GMDS: variants seen among roughly 807,000 people sequenced by gnomAD.
GMDS encodes GDP-mannose 4,6-dehydratase, also known as GDP-mannose 4,6 dehydratase.
In GMDS, 20 loss-of-function variants were observed where a neutral mutation model predicts 49.9. The observed-to-expected ratio is 0.40, with a 90% CI of 0.28 to 0.58. The LOEUF (loss-of-function observed/expected upper bound fraction) is 0.58, where lower values mean the gene tolerates loss of function less well. Among genes scored for constraint, GMDS ranks in the 20% least tolerant of loss-of-function variants. The probability of loss-of-function intolerance (pLI) is 0.42; values close to 1 mark genes in which losing one functional copy is unlikely to be tolerated. For synonymous variants in GMDS, 177 were observed against 178.6 expected (o/e 0.99, Z 0.07); for missense variants, 362 against 481.4 (o/e 0.75, Z 2.32).
At chr6:1,768,074 T>C (rs1468853544) in intron 7 of GMDS, among the ~76,000 whole-genome samples, 1 of 152,198 alleles carries the variant, frequency 6.6e-6, no homozygotes, top group Non-Finnish European at 1.5e-5. Context: ...CTGTATATGT[T>C]ACTATATGAA....
intron 4 of GMDS, among the ~76,000 whole-genome samples, chr6:1,970,532 C>T (rs1044647753): frequency 1.3e-5 from 2 of 152,178 alleles, no homozygotes; most frequent in East Asian, 1.9e-4. Context: ...AGGAGCAGGC[C>T]GCAGGCTGTG....
intron 7 of GMDS, among the ~76,000 whole-genome samples, chr6:1,850,885 A>T (rs756130265): frequency 6.6e-6 from 1 of 152,156 alleles, no homozygotes; most frequent in African/African-American, 2.4e-5. Flanking sequence ...CTGGCAGCCC[A>T]CTGACTTGTG....
intron 4 of GMDS, among the ~76,000 whole-genome samples, chr6:1,976,894 T>C (rs1049274329): frequency 7.9e-5 from 12 of 152,222 alleles, no homozygotes; most frequent in African/African-American, 2.4e-4. Flanking sequence ...ACAGGAGATA[T>C]ATCTTATTTT....
chr6:1,829,558 C>T (rs1322771772), intron 7 of GMDS, among the ~76,000 whole-genome samples: 1 of 152,132 alleles, frequency 6.6e-6, no homozygotes, highest in South Asian at 2.1e-4. Context: ...CCTGCCTCAG[C>T]CTGTAAAGTA....
At chr6:1,880,126 G>A (rs1411026226) in intron 7 of GMDS, among the ~76,000 whole-genome samples, 1 of 151,822 alleles carries the variant, frequency 6.6e-6, no homozygotes, top group Non-Finnish European at 1.5e-5. Flanking sequence ...GAAGAGGAAG[G>A]TAAAGTCACA....
In GMDS at chr6:2,022,449, T is replaced by C. The variant is rs545799519; in HGVS notation, c.346-61483A>G. 3.9e-5 allele frequency among the ~76,000 whole-genome samples: 6 copies of C among 152,314 alleles called. No homozygotes were observed. In the East Asian group the frequency reaches 1.2e-3, roughly 29 times the overall value. On this transcript the variant is annotated intron_variant, in intron 4 of 10. Coordinates refer to ENST00000380815, the MANE Select transcript of GMDS (RefSeq NM_001500.4). ...ATTCATGAGATTAAGAGGACCATAG[T>C]GATGCTACAAAATATTTAAAATAAC...
intron 7 of GMDS, among the ~76,000 whole-genome samples, chr6:1,807,422 AGCTGACGGATTGTTACTCTCATACAATCC>A (rs1399271033): frequency 9.2e-5 from 14 of 152,326 alleles, no homozygotes; most frequent in Admixed American, 9.1e-4. Flanking sequence ...CCCATGCTTA[AGCTGACGGATTGTTACTCTCATACAATCC>A]TGTCCCTGTT....
chr6:2,092,610 C>T (rs1581639200), intron 4 of GMDS, among the ~76,000 whole-genome samples: 1 of 152,116 alleles, frequency 6.6e-6, no homozygotes, highest in Non-Finnish European at 1.5e-5. Context: ...GATGCAGAGT[C>T]AACCTAGATG....
At chr6:2,236,050 G>A (rs927248719) in intron 1 of GMDS, among the ~76,000 whole-genome samples, 1 of 152,152 alleles carries the variant, frequency 6.6e-6, no homozygotes, top group African/African-American at 2.4e-5. Flanking sequence ...TCTCTCTGGA[G>A]CAGATGGAAG....
intron 4 of GMDS, among the ~76,000 whole-genome samples, chr6:2,078,365 T>C (rs898536015): frequency 2.0e-5 from 3 of 152,102 alleles, no homozygotes; most frequent in East Asian, 3.9e-4. Flanking sequence ...CATCATTAGA[T>C]TGTTTATTTA....
chr6:1,994,123 A>C (rs2127368118), intron 4 of GMDS, among the ~76,000 whole-genome samples: 1 of 152,332 alleles, frequency 6.6e-6, no homozygotes, highest in African/African-American at 2.4e-5. Context: ...GAATCTGAAT[A>C]ATTTTCTTAT....
At chr6:1,964,166 T>C (rs1420977321) in intron 4 of GMDS, among the ~76,000 whole-genome samples, 1 of 152,258 alleles carries the variant, frequency 6.6e-6, no homozygotes, top group Non-Finnish European at 1.5e-5. Context: ...TAGATCTTTC[T>C]GAAGATCTTC....
intron 4 of GMDS, among the ~76,000 whole-genome samples, chr6:2,103,714 A>G (rs1774056530): frequency 6.6e-6 from 1 of 152,224 alleles, no homozygotes; most frequent in Non-Finnish European, 1.5e-5. Flanking sequence ...ATGCAATTCT[A>G]AAACTTGAAA....
At chr6:1,736,119 G>T (rs1383050781) in intron 8 of GMDS, among the ~76,000 whole-genome samples, 1 of 152,178 alleles carries the variant, frequency 6.6e-6, no homozygotes, top group Non-Finnish European at 1.5e-5. Context: ...TGAAATGAGG[G>T]TTGCCTCAGA....
chr6:2,030,678 G>A (rs150335024), intron 4 of GMDS, among the ~76,000 whole-genome samples: 1 of 152,222 alleles, frequency 6.6e-6, no homozygotes, highest in East Asian at 1.9e-4. Context: ...TGAGGGTGAA[G>A]GTAACAGATT....
intron 9 of GMDS, among the ~76,000 whole-genome samples, chr6:1,695,793 G>C (rs1039548489): frequency 6.6e-6 from 1 of 152,066 alleles, no homozygotes; most frequent in African/African-American, 2.4e-5. Flanking sequence ...AAACTTAAGA[G>C]CCTGGTTTCC....
chr6:2,031,472 C>A, intron 4 of GMDS, among the ~76,000 whole-genome samples: 1 of 151,028 alleles, frequency 6.6e-6, no homozygotes. Flanking sequence ...AATGTATAGA[C>A]CAGTGTAAGT....
chr6:2,101,318 A>G (rs1773912382), intron 4 of GMDS, among the ~76,000 whole-genome samples: 1 of 151,964 alleles, frequency 6.6e-6, no homozygotes, highest in Non-Finnish European at 1.5e-5. Context: ...AAAAAACAAA[A>G]AACAAAAAAA....
chr6:2,242,109 G>A (rs1407404041), intron 1 of GMDS, among the ~76,000 whole-genome samples: 4 of 152,204 alleles, frequency 2.6e-5, no homozygotes. Flanking sequence ...TAAATACAGA[G>A]GAAGTTCCTG....
Sources: allele counts gnomAD v4.1 joint callset (sites outside exome capture counted in the v4.1 genomes callset), GRCh38; gene constraint gnomAD v4.1.1; transcripts MANE v1.5; gene names NCBI Gene and HGNC (gene_info 2026-07-23, HGNC 2026-07-21).